CCM2L: variants seen among roughly 807,000 people sequenced by gnomAD.
CCM2L encodes the protein cerebral cavernous malformations 2 protein-like.
A neutral mutation model predicts 54.1 loss-of-function variants in CCM2L; 36 were observed. The observed-to-expected ratio is 0.67, with a 90% CI of 0.51 to 0.88. The LOEUF (loss-of-function observed/expected upper bound fraction) is 0.88, where lower values mean the gene tolerates loss of function less well. CCM2L is among the 40% of genes least tolerant of loss of function. The pLI is 0.00. For missense variants in CCM2L, 700 were observed against 812.1 expected, an observed-to-expected ratio of 0.86 and a Z score of 1.68; for synonymous variants, 351 against 359.3, an observed-to-expected ratio of 0.98 and a Z score of 0.26.
rs1420602193 is a variant in CCM2L, at chr20:32,019,096, G to T, written c.620G>T (p.Trp207Leu). 1.4e-4 allele frequency: 162 copies of T among 1,188,038 alleles called. No homozygotes were observed. Among genetic ancestry groups the T allele is most frequent in the Middle Eastern group, 3.4e-4 (1 of 2,948 alleles). The allele number at this position is 1,188,038 out of a possible 1,614,324, so 73.6% of individuals were successfully genotyped here. The change falls in exon 5 of 10, where the codon TGG (tryptophan) becomes TTG (leucine). Residue 207 changes from tryptophan to leucine, a missense_variant. Physicochemically the swap from Trp to Leu is moderately conservative, Grantham distance 61. Transcript: ENST00000452892. ...TGCAGCCTGGACTGGCGGATGGGGT[G>T]GGGTGGGGGCGCCGCGGAGGCCCGG... is the stretch of plus-strand genomic sequence containing the variant. ...TICSLDWRMGWGGGAAEARAG... is the reference protein window; with the variant it reads ...TICSLDWRMGLGGGAAEARAG...
At position 32,032,112 on chromosome 20, in the gene CCM2L, G is replaced by A. The variant is rs777212559; in HGVS notation, c.*798G>A. 6.6e-6 allele frequency: 1 copy of A among 152,238 alleles called. No homozygotes were observed. The highest frequency in any genetic ancestry group is 6.5e-5 in the Admixed American group (1 of 15,288). The allele number at this position is 152,238 out of a possible 1,614,324, so 9.4% of individuals were successfully genotyped here. A position where few individuals can be genotyped will look rare whatever the true frequency, so the allele number is the denominator to read the frequency against. ...AGGGTGGCCACAGGGATTACTGAGG[G>A]TTAAGACCTTAGAACTGGGTCTAGC... On this transcript the variant is annotated 3_prime_UTR_variant, in exon 10 of 10. Coordinates refer to ENST00000452892, the MANE Select transcript of CCM2L (RefSeq NM_001365692.1).
At position 32,026,351 on chromosome 20, in the gene CCM2L, G is replaced by C. The variant is rs114102369; in HGVS notation, c.1133+432G>C. Among the ~76,000 whole-genome samples, 734 of 152,198 alleles carry C rather than the reference G, an allele frequency of 4.8e-3. 8 individuals carry two copies. The highest frequency in any genetic ancestry group is 0.016 in the African/African-American group (680 of 41,516). On this transcript the variant is annotated intron_variant, in intron 7 of 9. Transcript: ENST00000452892. ...CATTTCATGGTTGTTAGGAGCTCAG[G>C]CTTCTCTTTTCCTTCCCTACCCTCT...
At chr20:32,029,579 G>A in intron 8 of CCM2L, 121 bp from the exon 9 acceptor site, 1 of 1,277,660 alleles carries the variant, frequency 7.8e-7, no homozygotes, top group Non-Finnish European at 1.1e-6. Flanking sequence ...AATAGCCCAT[G>A]GGAAGGTTTT....
chr20:32,017,906 G>A (rs770094521), intron 3 of CCM2L, 23 bp downstream of exon 3: 8 of 1,613,450 alleles, frequency 5.0e-6, no homozygotes, highest in South Asian at 1.1e-5. Flanking sequence ...GGAGGGAGGA[G>A]GGCAGGATCT....
intron 7 of CCM2L, 108 bp downstream of exon 7, chr20:32,026,027 C>A: frequency 1.3e-6 from 1 of 773,728 alleles, no homozygotes; most frequent in Non-Finnish European, 1.9e-6. Flanking sequence ...TGTGCTGAGA[C>A]ACTGGGCACT....
In CCM2L at chr20:32,015,061, AAGAGGTC is replaced by A; in HGVS notation, c.190_196del (p.Glu64SerfsTer9). 2 of 1,520,920 alleles carry A rather than the reference AAGAGGTC, an allele frequency of 1.3e-6. No homozygotes were observed. Among genetic ancestry groups the A allele is most frequent in the Non-Finnish European group, 1.8e-6 (2 of 1,137,208 alleles). 94.2% of individuals were successfully genotyped at this position (1,520,920 alleles called of 1,614,324 possible). A position where few individuals can be genotyped will look rare whatever the true frequency, so the allele number is the denominator to read the frequency against. ...ATTCTGCTGTGTGACTACCTGGAGA[AAGAGGTC>A]AAGGTGCGTGCAGGATGAGAAGGGG... On this transcript the variant is annotated frameshift_variant, in exon 2 of 10. Transcript: ENST00000452892. LOFTEE classifies it high-confidence loss of function.
chr20:32,010,615 C>A, intron 1 of CCM2L, 131 bp downstream of exon 1: 1 of 845,140 alleles, frequency 1.2e-6, no homozygotes, highest in Non-Finnish European at 1.9e-6. Flanking sequence ...TTGGAAGTAA[C>A]TTCCTTCCCA....
chr20:32,031,203 T>G lies in CCM2L; in HGVS notation c.1605T>G (p.Ala535=), dbSNP rs2064921835. The change falls in exon 10 of 10, where the codon GCT becomes GCG. Residue 535 remains alanine (A), a synonymous_variant. Transcript: ENST00000452892. ...PEAQAFHRLL[A]DITHDIEALA... is the part of the protein sequence containing the mutation. ...CACAGGCCTTCCACCGGCTGCTGGC[T>G]GACATCACGCACGACATCGAGGCGC... 1 of 1,301,280 alleles carries G rather than the reference T, an allele frequency of 7.7e-7. No individual in the cohort carries two copies. The highest frequency in any genetic ancestry group is 1.0e-6 in the Non-Finnish European group (1 of 988,544). The allele number at this position is 1,301,280 out of a possible 1,614,324, so 80.6% of individuals were successfully genotyped here.
At chr20:32,026,954 A>C (rs894473243) in intron 7 of CCM2L, among the ~76,000 whole-genome samples, 1 of 152,108 alleles carries the variant, frequency 6.6e-6, no homozygotes, top group Non-Finnish European at 1.5e-5. Context: ...AGGGCAACGC[A>C]GGAGGATCAC....
Position 32,011,862 on chromosome 20 carries a change from T to C in CCM2L, c.30+1378T>C, listed in dbSNP as rs559906409. On this transcript the variant is annotated intron_variant, in intron 1 of 9. Transcript: ENST00000452892. ...ATGGGGCTGGACAGGTGGGCAGAGC[T>C]GAGCCATTCAGGGCCACCAACAAAA... 7.2e-5 allele frequency among the ~76,000 whole-genome samples: 11 copies of C among 151,848 alleles called. No individual in the cohort carries two copies. In the East Asian group the frequency reaches 2.1e-3, roughly 29 times the overall value.
chr20:32,029,428 T>A (rs1022653114), intron 8 of CCM2L, among the ~76,000 whole-genome samples: 2 of 152,128 alleles, frequency 1.3e-5, no homozygotes, highest in Non-Finnish European at 2.9e-5. Flanking sequence ...ACTTTGCAGA[T>A]GAGAAAAGCA....
intron 6 of CCM2L, among the ~76,000 whole-genome samples, chr20:32,024,051 A>G (rs1053776717): frequency 6.6e-6 from 1 of 152,168 alleles, no homozygotes; most frequent in Non-Finnish European, 1.5e-5. Context: ...AGTTTTACAG[A>G]TGAGGACATT....
intron 1 of CCM2L, 52 bp downstream of exon 1, chr20:32,010,536 G>A: frequency 1.4e-6 from 2 of 1,438,376 alleles, no homozygotes; most frequent in Non-Finnish European, 9.5e-7. Context: ...CCAAAGCTGG[G>A]GAAGGGGGCA....
At chr20:32,010,542 G>C (rs2064683113) in intron 1 of CCM2L, 58 bp downstream of exon 1, 22 of 1,330,698 alleles carry the variant, frequency 1.7e-5, no homozygotes, top group Non-Finnish European at 2.1e-5. Context: ...CTGGGGAAGG[G>C]GGCAAACTGG....
chr20:32,022,526 AT>A, intron 5 of CCM2L, 133 bp from the exon 6 acceptor site: 1 of 1,005,946 alleles, frequency 9.9e-7, no homozygotes, highest in Non-Finnish European at 1.4e-6. Flanking sequence ...TGATGGAAAA[AT>A]TCTTGAAAGC....
intron 8 of CCM2L, 67 bp downstream of exon 8, chr20:32,029,191 A>C: frequency 1.2e-6 from 2 of 1,606,104 alleles, no homozygotes; most frequent in South Asian, 1.1e-5. Context: ...ACATTTTGGG[A>C]ATGGCACATT....
rs1471063065 is a variant in CCM2L, at chr20:32,028,770, AG to A, written c.1134-224del. On this transcript the variant is annotated intron_variant, in intron 7 of 9. Coordinates refer to ENST00000452892, the MANE Select transcript of CCM2L (RefSeq NM_001365692.1). ...CAGGTGCAAACACCCAGAGGTGAGG[AG>A]ATAGTAGAGGAAGAAGGAGAAGGGG... 3 of 559,462 alleles carry A rather than the reference AG, an allele frequency of 5.4e-6. No homozygotes were observed. In the African/African-American group the frequency reaches 5.8e-5, roughly 11 times the overall value. 34.7% of individuals were successfully genotyped at this position (559,462 alleles called of 1,614,324 possible).
At chr20:32,010,893 G>T (rs1191492455) in intron 1 of CCM2L, among the ~76,000 whole-genome samples, 1 of 152,140 alleles carries the variant, frequency 6.6e-6, no homozygotes, top group South Asian at 2.1e-4. Flanking sequence ...GGGCAATTCC[G>T]ATAGGATGTT....
chr20:32,030,184 G>A lies in CCM2L; in HGVS notation c.1402+346G>A, dbSNP rs147724465. On this transcript the variant is annotated intron_variant, in intron 9 of 9. Transcript: ENST00000452892. ...CAAGGTCACACAGCTAGTAAGGAGGGCTAATAATAACAGGAGGAATAATAC... is the reference window on the plus strand; with the variant it reads ...CAAGGTCACACAGCTAGTAAGGAGGACTAATAATAACAGGAGGAATAATAC... Among the ~76,000 whole-genome samples the A allele has an allele frequency of 1.6e-3, 251 of 152,284 alleles. 2 individuals carry two copies. Among genetic ancestry groups the A allele is most frequent in the East Asian group, 7.5e-3 (39 of 5,182 alleles).
Sources: gnomAD v4.1 joint callset for allele counts (sites outside exome capture counted in the v4.1 genomes callset) on GRCh38, gnomAD v4.1.1 for gene constraint, MANE v1.5 for transcripts, NCBI Gene and HGNC (gene_info 2026-07-23, HGNC 2026-07-21) for gene names.